Variants in TRPM3 observed in about 807,000 individuals in gnomAD.
TRPM3 encodes the protein long transient receptor potential channel 3.
In TRPM3, 77 loss-of-function variants were observed where a neutral mutation model predicts 181.2. The observed-to-expected ratio is 0.42, with a 90% CI of 0.35 to 0.51. The LOEUF (loss-of-function observed/expected upper bound fraction) is 0.51. TRPM3 is among the 20% of genes least tolerant of loss of function. The pLI is 0.01. For missense variants in TRPM3, 1,759 were observed against 2,196.7 expected, an observed-to-expected ratio of 0.80 and a Z score of 3.98; for synonymous variants, 745 against 796.4, an observed-to-expected ratio of 0.94 and a Z score of 1.09.
intron 1 of TRPM3, among the ~76,000 whole-genome samples, chr9:70,990,660 T>C (rs1317133909): frequency 6.6e-6 from 1 of 152,176 alleles, no homozygotes; most frequent in African/African-American, 2.4e-5. Flanking sequence ...GGTGTCACCA[T>C]TTTAAACTGT....
At chr9:71,132,676 T>C (rs1463585654) in intron 1 of TRPM3, among the ~76,000 whole-genome samples, 1 of 152,146 alleles carries the variant, frequency 6.6e-6, no homozygotes, top group African/African-American at 2.4e-5. Context: ...ATTTTAAAAT[T>C]CATAAAAATA....
At chr9:70,835,410 C>A (rs192406649) in intron 5 of TRPM3, among the ~76,000 whole-genome samples, 7 of 151,972 alleles carry the variant, frequency 4.6e-5, no homozygotes, top group African/African-American at 1.7e-4. Flanking sequence ...GTCTTCTTCC[C>A]TTTATTCTAA....
chr9:71,131,824 A>G (rs1335011901), intron 1 of TRPM3, among the ~76,000 whole-genome samples: 1 of 152,222 alleles, frequency 6.6e-6, no homozygotes, highest in Non-Finnish European at 1.5e-5. Flanking sequence ...AAAGAAAAGC[A>G]AAAGAGGAAA....
chr9:71,031,031 C>A (rs2057232212), intron 1 of TRPM3, among the ~76,000 whole-genome samples: 1 of 152,194 alleles, frequency 6.6e-6, no homozygotes, highest in South Asian at 2.1e-4. Flanking sequence ...TAGATAATAT[C>A]TTGGGCTGCT....
intron 1 of TRPM3, among the ~76,000 whole-genome samples, chr9:71,391,385 T>G (rs1588810621): frequency 6.6e-6 from 1 of 152,184 alleles, no homozygotes; most frequent in Admixed American, 6.6e-5. Flanking sequence ...CTTCTCTTTC[T>G]TTCTATGAAA....
intron 1 of TRPM3, among the ~76,000 whole-genome samples, chr9:71,426,724 T>C (rs2093870190): frequency 6.6e-6 from 1 of 152,130 alleles, no homozygotes; most frequent in African/African-American, 2.4e-5. Context: ...TCCTTGACTT[T>C]ATTCCTATTA....
At chr9:70,985,488 T>C (rs2097409928) in intron 1 of TRPM3, among the ~76,000 whole-genome samples, 1 of 152,236 alleles carries the variant, frequency 6.6e-6, no homozygotes, top group South Asian at 2.1e-4. Context: ...AGCTTCTTGT[T>C]ATGCAGGAAA....
In TRPM3 at chr9:70,533,908, T is replaced by C. The variant is rs551106115; in HGVS notation, c.*2045A>G. ...TTCAGAAGAGTTTTTATTTTGTTTTTTATCTTATATTTAAAGGCCATGTAT... is the reference window on the plus strand; with the variant it reads ...TTCAGAAGAGTTTTTATTTTGTTTTCTATCTTATATTTAAAGGCCATGTAT... On this transcript the variant is annotated 3_prime_UTR_variant, in exon 26 of 26. Coordinates refer to ENST00000677713, the MANE Select transcript of TRPM3 (RefSeq NM_001366145.2). 1 of 152,350 alleles carries C rather than the reference T, an allele frequency of 6.6e-6. No individual in the cohort carries two copies. The highest frequency in any genetic ancestry group is 2.4e-5 in the African/African-American group (1 of 41,590). 9.4% of individuals were successfully genotyped at this position (152,350 alleles called of 1,614,324 possible).
At chr9:70,664,127 G>T (rs147540663) in intron 9 of TRPM3, among the ~76,000 whole-genome samples, 58 of 152,262 alleles carry the variant, frequency 3.8e-4, no homozygotes, top group African/African-American at 1.2e-3. Context: ...GGTAAATAAT[G>T]CCACTGCCAT....
intron 1 of TRPM3, among the ~76,000 whole-genome samples, chr9:71,182,984 T>A (rs2077485533): frequency 6.6e-6 from 1 of 151,986 alleles, no homozygotes; most frequent in Admixed American, 6.6e-5. Context: ...TTAAAGCCCA[T>A]CAGGGAATAA....
intron 1 of TRPM3, among the ~76,000 whole-genome samples, chr9:71,134,767 T>C (rs186318805): frequency 1.3e-5 from 2 of 152,304 alleles, no homozygotes; most frequent in Admixed American, 6.5e-5. Context: ...AAATGTAACA[T>C]AGATTTCTTA....
At chr9:70,599,978 C>G (rs1477468338) in intron 20 of TRPM3, among the ~76,000 whole-genome samples, 1 of 152,178 alleles carries the variant, frequency 6.6e-6, no homozygotes, top group Non-Finnish European at 1.5e-5. Flanking sequence ...ATAATAGAAA[C>G]TCAATACATA....
At chr9:71,054,078 GTATGCCTT>G (rs1464465979) in intron 1 of TRPM3, among the ~76,000 whole-genome samples, 1 of 152,104 alleles carries the variant, frequency 6.6e-6, no homozygotes, top group Non-Finnish European at 1.5e-5. Flanking sequence ...ATTGATATAT[GTATGCCTT>G]TAGCATGATG....
At chr9:71,415,828 T>C (rs1343770310) in intron 1 of TRPM3, among the ~76,000 whole-genome samples, 3 of 151,824 alleles carry the variant, frequency 2.0e-5, no homozygotes, top group Non-Finnish European at 2.9e-5. Flanking sequence ...CAAAGATTTT[T>C]ATAAAATATA....
At chr9:70,790,923 A>T (rs2085227713) in intron 6 of TRPM3, among the ~76,000 whole-genome samples, 1 of 152,184 alleles carries the variant, frequency 6.6e-6, no homozygotes, top group Admixed American at 6.5e-5. Flanking sequence ...TGCAAAAGGA[A>T]ATGTGACTAG....
At chr9:71,126,787 G>A (rs1047995118) in intron 1 of TRPM3, among the ~76,000 whole-genome samples, 2 of 152,120 alleles carry the variant, frequency 1.3e-5, no homozygotes, top group Non-Finnish European at 2.9e-5. Flanking sequence ...ATCTCTGACT[G>A]CTGTCCACCC....
intron 8 of TRPM3, 65 bp downstream of exon 8, chr9:70,761,536 T>C: frequency 6.2e-7 from 1 of 1,610,010 alleles, no homozygotes; most frequent in South Asian, 1.1e-5. Flanking sequence ...TGAGAAAATG[T>C]TGTGTGATTC....
chr9:71,357,732 TAA>T (rs61173147), intron 1 of TRPM3, among the ~76,000 whole-genome samples: 96,954 of 148,958 alleles, frequency 0.65, 31,671 homozygotes, highest in East Asian at 0.91. Flanking sequence ...ATGCTTTCCA[TAA>T]AAAAAAAAAA....
At chr9:71,162,224 G>A (rs10120353) in intron 1 of TRPM3, among the ~76,000 whole-genome samples, 8,075 of 133,418 alleles carry the variant, frequency 0.061, 296 homozygotes, top group South Asian at 0.14. Context: ...AAAAAAAGAA[G>A]AAAAAGAAAA....
Sources: gnomAD v4.1 joint callset for allele counts (sites outside exome capture counted in the v4.1 genomes callset) on GRCh38, gnomAD v4.1.1 for gene constraint, MANE v1.5 for transcripts, NCBI Gene and HGNC (gene_info 2026-07-23, HGNC 2026-07-21) for gene names.